The following STAMBPL1 variants were observed in gnomAD, a reference collection of about 807,000 sequenced individuals.
STAMBPL1 encodes the protein AMSH-like protease.
In STAMBPL1, 44 loss-of-function variants were observed where a neutral mutation model predicts 52.9. The ratio of observed to expected loss-of-function variants is 0.83; its 90% CI spans 0.65 to 1.07. The LOEUF is 1.07. STAMBPL1 is among the 50% of genes least tolerant of loss of function. The pLI is 0.00. For synonymous variants in STAMBPL1, 164 were observed against 177.3 expected (o/e 0.92, Z 0.60); for missense variants, 511 against 520.8 (o/e 0.98, Z 0.18).
intron 8 of STAMBPL1, among the ~76,000 whole-genome samples, 174 bp downstream of exon 8, chr10:88,916,991 T>TA (rs1205260330): frequency 6.6e-6 from 1 of 152,100 alleles, no homozygotes; most frequent in Non-Finnish European, 1.5e-5. Context: ...TAACAGATAT[T>TA]AAAAAAATAA....
At chr10:88,900,922 C>T (rs966958294) in intron 1 of STAMBPL1, among the ~76,000 whole-genome samples, 1 of 152,166 alleles carries the variant, frequency 6.6e-6, no homozygotes, top group African/African-American at 2.4e-5. Flanking sequence ...AATTTCCTTG[C>T]AGCTTTGGAA....
At position 88,910,955 on chromosome 10, in the gene STAMBPL1, A is replaced by G; in HGVS notation, c.364A>G (p.Lys122Glu). 6.3e-7 allele frequency: 1 copy of G among 1,599,254 alleles called. No homozygotes were observed. Among genetic ancestry groups the G allele is most frequent in the Non-Finnish European group, 8.5e-7 (1 of 1,175,258 alleles). ...TGCATTCCCAAGGACAGATGAATTG[A>G]AAAACGACCTTTTAAAGAAATATAA... The part of the protein sequence containing the change: ...EIAFPRTDEL[K>E]NDLLKKYNVE... The change falls in exon 5 of 11, where the codon AAA becomes GAA. Residue 122 changes from lysine to glutamate, a missense_variant. Around this residue, in one of 3 missense-constraint regions of STAMBPL1, gnomAD observed 358 missense variants for 343.5 expected, o/e 1.04. Coordinates refer to ENST00000371926, the MANE Select transcript of STAMBPL1 (RefSeq NM_020799.4).
intron 2 of STAMBPL1, among the ~76,000 whole-genome samples, chr10:88,905,223 C>G (rs1845042798): frequency 6.6e-6 from 1 of 152,082 alleles, no homozygotes; most frequent in Non-Finnish European, 1.5e-5. Flanking sequence ...GTATGTTTAC[C>G]TTGGAGGTTT....
At chr10:88,909,886 C>T (rs1034190545) in intron 4 of STAMBPL1, among the ~76,000 whole-genome samples, 3 of 152,142 alleles carry the variant, frequency 2.0e-5, no homozygotes, top group African/African-American at 7.2e-5. Context: ...CAGGTGTGAG[C>T]CACCGCACCC....
At chr10:88,916,589 G>C in intron 7 of STAMBPL1, 91 bp from the exon 8 acceptor site, 1 of 1,334,358 alleles carries the variant, frequency 7.5e-7, no homozygotes. Context: ...CCTGCTGGGG[G>C]ACTCTTTAGT....
At chr10:88,889,439 A>G (rs1238456609) in intron 1 of STAMBPL1, among the ~76,000 whole-genome samples, 1 of 152,074 alleles carries the variant, frequency 6.6e-6, no homozygotes, top group African/African-American at 2.4e-5. Flanking sequence ...TTGTGACTTA[A>G]CTGTTTATAT....
intron 7 of STAMBPL1, among the ~76,000 whole-genome samples, chr10:88,915,033 G>A (rs1193589300): frequency 6.6e-6 from 1 of 152,016 alleles, no homozygotes; most frequent in Non-Finnish European, 1.5e-5. Flanking sequence ...AACTTCATCT[G>A]TGGCATGTAT....
chr10:88,897,160 C>T (rs745378062), intron 1 of STAMBPL1, among the ~76,000 whole-genome samples: 12 of 152,138 alleles, frequency 7.9e-5, no homozygotes, highest in Admixed American at 6.5e-5. Context: ...AGGATACTTA[C>T]CCCCTCCCAG....
At position 88,914,519 on chromosome 10, in the gene STAMBPL1, T is replaced by C. The variant is rs1310166674; in HGVS notation, c.779-15T>C. 2.0e-6 allele frequency: 3 copies of C among 1,475,818 alleles called. No individual in the cohort carries two copies. Among genetic ancestry groups the C allele is most frequent in the South Asian group, 1.5e-5 (1 of 68,322 alleles). 91.4% of individuals were successfully genotyped at this position (1,475,818 alleles called of 1,614,324 possible). The stretch of plus-strand genomic sequence containing the variant: ...AGTTTGTTTTTTAGCCTTTTCTCCC[T>C]TTTTTGTTTCTTAGATTTAGTGGTT... On this transcript the variant is annotated splice_polypyrimidine_tract_variant and intron_variant, in intron 6 of 10. Coordinates refer to ENST00000371926, the MANE Select transcript of STAMBPL1 (RefSeq NM_020799.4).
At chr10:88,882,982 T>G (rs1222829603) in intron 1 of STAMBPL1, 1 of 151,720 alleles carries the variant, frequency 6.6e-6, no homozygotes, top group Non-Finnish European at 1.5e-5. Context: ...TTACATTAGG[T>G]ATATCTCGTA....
At chr10:88,889,140 A>G (rs1263375708) in intron 1 of STAMBPL1, among the ~76,000 whole-genome samples, 1 of 152,198 alleles carries the variant, frequency 6.6e-6, no homozygotes, top group South Asian at 2.1e-4. Flanking sequence ...ACAGTTTCAT[A>G]TGCTATAGAG....
intron 4 of STAMBPL1, among the ~76,000 whole-genome samples, chr10:88,910,488 A>G (rs960853260): frequency 1.3e-5 from 2 of 152,172 alleles, no homozygotes; most frequent in Non-Finnish European, 2.9e-5. Flanking sequence ...TATTCTTTTT[A>G]CAGTCTAGCA....
chr10:88,914,793 A>G, intron 7 of STAMBPL1, 135 bp downstream of exon 7: 1 of 318,496 alleles, frequency 3.1e-6, no homozygotes. Flanking sequence ...TTAACGTTAC[A>G]CAGATTAACT....
chr10:88,921,924 T>C (rs1845522464), intron 9 of STAMBPL1, among the ~76,000 whole-genome samples: 1 of 152,184 alleles, frequency 6.6e-6, no homozygotes, highest in Non-Finnish European at 1.5e-5. Flanking sequence ...GATAATAGTT[T>C]ATGTACAGTG....
intron 6 of STAMBPL1, among the ~76,000 whole-genome samples, chr10:88,913,768 G>C: frequency 6.6e-6 from 1 of 151,454 alleles, no homozygotes; most frequent in East Asian, 1.9e-4. Context: ...TTTTAACTAA[G>C]AAATACATAC....
rs769084664 is a variant in STAMBPL1 at position 88,905,534 on chromosome 10, C to T, written c.122C>T (p.Thr41Ile). The change falls in exon 3 of 11, where the codon ACC (threonine) becomes ATC (isoleucine). Residue 41 changes from threonine to isoleucine, a missense_variant. Thr to Ile is a moderately conservative substitution (Grantham distance 89, BLOSUM62 -1). Coordinates refer to ENST00000371926, the MANE Select transcript of STAMBPL1 (RefSeq NM_020799.4). Reference sequence around the variant, plus strand: ...CTAAGCAAGCTTGGTTGTAATATCACCATCAGTGAAGACATCACTCCACGA... The same window carrying T: ...CTAAGCAAGCTTGGTTGTAATATCATCATCAGTGAAGACATCACTCCACGA... ...RALSKLGCNI[T>I]ISEDITPRRY... 6.2e-7 allele frequency: 1 copy of T among 1,614,094 alleles called. No individual in the cohort carries two copies. The highest frequency in any genetic ancestry group is 1.7e-5 in the Admixed American group (1 of 60,004).
At chr10:88,886,623 C>T (rs1250562786) in intron 1 of STAMBPL1, among the ~76,000 whole-genome samples, 1 of 152,028 alleles carries the variant, frequency 6.6e-6, no homozygotes, top group African/African-American at 2.4e-5. Flanking sequence ...TTAAGAGGCC[C>T]ATCAGGAATT....
At position 88,905,475 on chromosome 10, in the gene STAMBPL1, T is replaced by C. The variant is rs764246678; in HGVS notation, c.63T>C (p.Asp21=). ...TAGCTGCTATGCCTGACCATACAGA[T>C]GTTTCCCTAAGCCCAGAAGAGCGAG... ...KKLAAMPDHT[D]VSLSPEERVR... The change falls in exon 3 of 11, where the codon GAT becomes GAC. Residue 21 remains aspartate, a synonymous_variant. Transcript: ENST00000371926. 119 of 1,614,028 alleles carry C rather than the reference T, an allele frequency of 7.4e-5. No homozygotes were observed. The highest frequency in any genetic ancestry group is 9.6e-5 in the Non-Finnish European group (113 of 1,180,000).
intron 1 of STAMBPL1, 79 bp downstream of exon 1, chr10:88,880,717 GCCTGGCGCGCGCCGGC>G (rs1844380469): frequency 6.6e-6 from 1 of 152,234 alleles, no homozygotes. Flanking sequence ...CTGCCTCGTG[GCCTGGCGCGCGCCGGC>G]CCTTCCGCTG....
Sources: gnomAD v4.1 joint callset for allele counts (sites outside exome capture counted in the v4.1 genomes callset) on GRCh38, gnomAD v4.1.1 for gene constraint, gnomAD v4.1.1 regional missense constraint, MANE v1.5 for transcripts, NCBI Gene and HGNC (gene_info 2026-07-23, HGNC 2026-07-21) for gene names.